The following AANAT variants were observed in gnomAD, a reference collection of about 807,000 sequenced individuals.
AANAT encodes the protein serotonin N-acetyltransferase.
AANAT carries 11 observed loss-of-function variants against 15.6 expected under a neutral mutation model. The observed-to-expected ratio is 0.71, with a 90% CI of 0.44 to 1.17. The LOEUF (loss-of-function observed/expected upper bound fraction) is 1.17, where lower values mean the gene tolerates loss of function less well. Ranked by LOEUF, AANAT falls within the 50% of genes most tolerant of loss-of-function variation. AANAT has a pLI of 0.00. For missense variants in AANAT, 286 were observed against 296.3 expected (o/e 0.97, Z 0.26); for synonymous variants, 139 against 131.5 (o/e 1.06, Z -0.39).
intron 1 of AANAT, among the ~76,000 whole-genome samples, chr17:76,457,960 C>T (rs568077852): frequency 1.1e-4 from 17 of 152,260 alleles, no homozygotes; most frequent in African/African-American, 3.1e-4. Flanking sequence ...CACTTGAACC[C>T]GGGAGGCGGA....
rs535773364 is a variant in AANAT at position 76,468,904 on chromosome 17, G to A, written c.158G>A (p.Arg53His). The A allele has an allele frequency of 1.6e-5, 26 of 1,612,886 alleles. No homozygotes were observed. The highest frequency in any genetic ancestry group is 1.7e-4 in the Middle Eastern group (1 of 6,060). Residue 53 changes from arginine to histidine, a missense_variant, in exon 2 of 4, where the codon CGT becomes CAT. Arg to His is a conservative substitution (Grantham distance 29, BLOSUM62 0). Transcript: ENST00000392492. ...GCTGTCAGCGCCTTTGAGATCGAGCGTGAAGGTGAGTGGCCCCGCACAGGG... is the reference window on the plus strand; with the variant it reads ...GCTGTCAGCGCCTTTGAGATCGAGCATGAAGGTGAGTGGCCCCGCACAGGG... Reference protein sequence around the residue: ...EDAVSAFEIEREAFISVLGVC... With the variant: ...EDAVSAFEIEHEAFISVLGVC...
intron 2 of AANAT, among the ~76,000 whole-genome samples, chr17:76,461,893 G>A (rs2073392220): frequency 6.6e-6 from 1 of 152,166 alleles, no homozygotes; most frequent in Non-Finnish European, 1.5e-5. Context: ...ACAGAGAGAA[G>A]TCAGCATGGC....
chr17:76,456,052 T>C (rs2073340231), intron 1 of AANAT, among the ~76,000 whole-genome samples: 1 of 151,164 alleles, frequency 6.6e-6, no homozygotes, highest in South Asian at 2.1e-4. Flanking sequence ...ATGCACAAGG[T>C]CGGGCACGGT....
rs923538427 is a variant in AANAT at position 76,467,742 on chromosome 17, C to G, written c.-76+15C>G. ...CCACAGTCCAGGTAGGTGGGACCCC[C>G]ACTCCTGGCTCTCAGCCTTTAGGAA... On this transcript the variant is annotated intron_variant, in intron 1 of 3. Coordinates refer to ENST00000392492, the MANE Select transcript of AANAT (RefSeq NM_001088.3). 2.0e-6 allele frequency: 2 copies of G among 985,154 alleles called. No homozygotes were observed. The highest frequency in any genetic ancestry group is 2.4e-6 in the Non-Finnish European group (2 of 829,782). 61.0% of individuals were successfully genotyped at this position (985,154 alleles called of 1,614,324 possible).
At chr17:76,465,629 G>T (rs1439919903), upstream of AANAT, among the ~76,000 whole-genome samples, 1 of 151,920 alleles carries the variant, frequency 6.6e-6, no homozygotes, top group Non-Finnish European at 1.5e-5. Context: ...GAGCCACTAT[G>T]CCCAGCCCCA....
chr17:76,468,726 A>C lies in AANAT; in HGVS notation c.-21A>C. ...GACACTTCCAAAGCTGGGGCGCCCC[A>C]AGGAGGCACCAGTGGCCAGAATGTC... On this transcript the variant is annotated 5_prime_UTR_variant, in exon 2 of 4. Transcript: ENST00000392492. 2 of 1,604,718 alleles carry C rather than the reference A, an allele frequency of 1.2e-6. No homozygotes were observed. Among genetic ancestry groups the C allele is most frequent in the African/African-American group, 2.7e-5 (2 of 74,858 alleles).
chr17:76,456,620 C>A (rs35489931), intron 1 of AANAT, among the ~76,000 whole-genome samples: 4,733 of 152,086 alleles, frequency 0.031, 92 homozygotes, highest in African/African-American at 0.061. Flanking sequence ...GCTGTAAGGA[C>A]GCAGGTCCCT....
chr17:76,467,748 T>C, intron 1 of AANAT, 21 bp downstream of exon 1: 4 of 984,846 alleles, frequency 4.1e-6, no homozygotes, highest in Non-Finnish European at 4.8e-6. Flanking sequence ...CCCCCACTCC[T>C]GGCTCTCAGC....
chr17:76,456,334 G>A (rs2073342787), intron 1 of AANAT, among the ~76,000 whole-genome samples: 2 of 142,676 alleles, frequency 1.4e-5, no homozygotes, highest in African/African-American at 2.6e-5. Context: ...TCCATCTCAG[G>A]AAAAAAAAAA....
Position 76,470,103 on chromosome 17 carries a change from C to T in AANAT, c.*133C>T. The T allele has an allele frequency of 9.9e-7, 1 of 1,014,150 alleles. No homozygotes were observed. The highest frequency in any genetic ancestry group is 1.4e-6 in the Non-Finnish European group (1 of 737,140). The allele number at this position is 1,014,150 out of a possible 1,614,324, so 62.8% of individuals were successfully genotyped here. A position where few individuals can be genotyped will look rare whatever the true frequency, so the allele number is the denominator to read the frequency against. On this transcript the variant is annotated 3_prime_UTR_variant, in exon 4 of 4. Coordinates refer to ENST00000392492, the MANE Select transcript of AANAT (RefSeq NM_001088.3). ...GCTAAATAAAGAGGAGATAAGGTGG[C>T]TTCTCACGGCCTGAGCTGGAGTGGT... is the stretch of plus-strand genomic sequence containing the variant.
chr17:76,469,328 G>A lies in AANAT; in HGVS notation c.318+1G>A, dbSNP rs373459354. On this transcript the variant is annotated splice_donor_variant, in intron 3 of 3. Transcript: ENST00000392492. LOFTEE classifies it high-confidence loss of function. The surrounding 1 kb of genome is among the most constrained non-coding windows in gnomAD (Gnocchi z 5.2). ...CTGGGACAAGGAGAGACTCATGCAG[G>A]TGAGGACAGGGCTGCGACGCCCAGC... 2 of 1,613,888 alleles carry A rather than the reference G, an allele frequency of 1.2e-6. No individual in the cohort carries two copies. Among genetic ancestry groups the A allele is most frequent in the South Asian group, 1.1e-5 (1 of 91,088 alleles).
At chr17:76,466,250 A>G (rs138364794), upstream of AANAT, 229 of 1,528,464 alleles carry the variant, frequency 1.5e-4, no homozygotes, top group East Asian at 4.2e-3. Context: ...TGCCCAGCTG[A>G]GGTCTTGGAC....
chr17:76,457,023 G>C (rs924394403), intron 1 of AANAT, among the ~76,000 whole-genome samples: 1 of 152,096 alleles, frequency 6.6e-6, no homozygotes, highest in Non-Finnish European at 1.5e-5. Flanking sequence ...CCCACGGCGG[G>C]ATAAGGCAGT....
upstream of AANAT, among the ~76,000 whole-genome samples, chr17:76,467,306 C>G (rs4238989): frequency 0.45 from 69,008 of 152,044 alleles, 17,012 homozygotes; most frequent in Non-Finnish European, 0.54. Context: ...AAGAGGTGGG[C>G]TTGTCCAAGA....
Position 76,469,030 on chromosome 17 carries a change from G to C in AANAT, c.163+121G>C, listed in dbSNP as rs1039087897. On this transcript the variant is annotated intron_variant, in intron 2 of 3. Coordinates refer to ENST00000392492, the MANE Select transcript of AANAT (RefSeq NM_001088.3). This position sits in a 1 kb window ranked among gnomAD's most constrained non-coding sequence, Gnocchi z 5.2. ...TCCCAGAGTATCAGACCATGTGTGC[G>C]CTCAAGAAAGTGGGGGAAACAGCAG... is the stretch of plus-strand genomic sequence containing the variant. 5 of 1,480,330 alleles carry C rather than the reference G, an allele frequency of 3.4e-6. No individual in the cohort carries two copies. In the African/African-American group the frequency reaches 5.5e-5, roughly 16 times the overall value. The allele number at this position is 1,480,330 out of a possible 1,614,324, so 91.7% of individuals were successfully genotyped here.
At chr17:76,467,420 C>G (rs1450583055), upstream of AANAT, 1 of 475,814 alleles carries the variant, frequency 2.1e-6, no homozygotes, top group African/African-American at 2.1e-5. Context: ...CTTCCCCAAA[C>G]CCTGGGGCCT....
At chr17:76,462,120 C>G (rs371603942) in intron 2 of AANAT, among the ~76,000 whole-genome samples, 1 of 152,096 alleles carries the variant, frequency 6.6e-6, no homozygotes, top group Admixed American at 6.6e-5. Flanking sequence ...AGGGCTAAAT[C>G]GCAACCTCAC....
intron 1 of AANAT, among the ~76,000 whole-genome samples, chr17:76,455,011 C>T (rs546409589): frequency 3.7e-4 from 56 of 152,194 alleles, no homozygotes; most frequent in African/African-American, 1.3e-3. Context: ...CCTGTAATCC[C>T]AGCTACTCGG....
upstream of AANAT, chr17:76,466,242 C>T: frequency 6.5e-7 from 1 of 1,531,066 alleles, no homozygotes; most frequent in South Asian, 1.2e-5. Flanking sequence ...GGTGGGGATG[C>T]CCAGCTGAGG....
Sources: gnomAD v4.1 joint callset for allele counts (sites outside exome capture counted in the v4.1 genomes callset) on GRCh38, gnomAD v4.1.1 for gene constraint, Gnocchi (gnomAD v3.1) non-coding constraint, MANE v1.5 for transcripts, NCBI Gene and HGNC (gene_info 2026-07-23, HGNC 2026-07-21) for gene names.